The following HNRNPDL variants were observed in gnomAD, a reference collection of about 807,000 sequenced individuals.
The protein encoded by HNRNPDL is heterogeneous nuclear ribonucleoprotein D-like.
HNRNPDL carries 18 observed loss-of-function variants against 48.0 expected under a neutral mutation model. The observed-to-expected ratio is 0.38, with a 90% CI of 0.26 to 0.56. The LOEUF is 0.56. Ranked by LOEUF, HNRNPDL falls within the 20% of genes least tolerant of loss-of-function variation. HNRNPDL has a pLI of 0.77. For missense variants in HNRNPDL, 553 were observed against 540.7 expected (o/e 1.02, Z -0.23); for synonymous variants, 306 against 207.3 (o/e 1.48, Z -4.09).
chr4:82,427,247 T>G lies in HNRNPDL; in HGVS notation c.964A>C (p.Lys322Gln), dbSNP rs1721451321. Residue 322 changes from lysine (K) to glutamine (Q), a missense_variant, in exon 5 of 8, where the codon AAA (lysine) becomes CAA (glutamine). Coordinates refer to ENST00000295470, the MANE Select transcript of HNRNPDL (RefSeq NM_031372.4). ...EVYRQQQQQQ[K>Q]GGRGAAAGGR... The stretch of plus-strand genomic sequence containing the variant: ...CCAGCTGCAGCACCTCTTCCACCTT[T>G]TTGTTGTTGCTGTTGCTGCCTATAT... 1 of 1,614,072 alleles carries G rather than the reference T, an allele frequency of 6.2e-7. No homozygotes were observed. The highest frequency in any genetic ancestry group is 8.5e-7 in the Non-Finnish European group (1 of 1,179,980).
chr4:82,425,654 C>T (rs1721380629), intron 7 of HNRNPDL: 1 of 180,992 alleles, frequency 5.5e-6, no homozygotes, highest in African/African-American at 2.4e-5. Flanking sequence ...ACACGGCCTG[C>T]AATGAAGTTC....
Position 82,428,459 on chromosome 4 carries a change from G to A in HNRNPDL, c.444-13C>T, listed in dbSNP as rs763768578. 5 of 1,567,970 alleles carry A rather than the reference G, an allele frequency of 3.2e-6. No homozygotes were observed. The highest frequency in any genetic ancestry group is 2.7e-5 in the African/African-American group (2 of 73,048). On this transcript the variant is annotated splice_polypyrimidine_tract_variant and intron_variant, in intron 1 of 7. Transcript: ENST00000295470. ...AATAAACATTTTACTAGAAATAAAA[G>A]TGTTTTTAAAAAAAATTAACAATAA... is the stretch of plus-strand genomic sequence containing the variant.
Position 82,427,309 on chromosome 4 carries a change from A to C in HNRNPDL, c.907-5T>G, listed in dbSNP as rs771764838. ...TTGTGCAACTTTGATTTCACACTAT[A>C]AACAAAAAACATGAAAGTATAATTT... On this transcript the variant is annotated splice_region_variant and splice_polypyrimidine_tract_variant and intron_variant, in intron 4 of 7. Transcript: ENST00000295470. The C allele has an allele frequency of 1.3e-6, 2 of 1,568,308 alleles. No homozygotes were observed. Among genetic ancestry groups the C allele is most frequent in the Non-Finnish European group, 1.7e-6 (2 of 1,158,764 alleles).
chr4:82,426,541 T>C lies in HNRNPDL; in HGVS notation c.1114A>G (p.Ser372Gly). Residue 372 changes from serine to glycine, a missense_variant, in exon 6 of 8, where the codon AGT (serine) becomes GGT (glycine). By Grantham distance (56) the Ser-to-Gly change is moderately conservative. This residue lies in a region of HNRNPDL where 174 missense variants were observed against 204.6 expected (regional missense o/e 0.85). Coordinates refer to ENST00000295470, the MANE Select transcript of HNRNPDL (RefSeq NM_031372.4). ...GTATAATCATATCCGCCATAGCCAC[T>C]ATAGTTTTGATCACCACCATAGGCA... Reference protein sequence around the residue: ...NSAYGGDQNYSGYGGYDYTGY... With the variant: ...NSAYGGDQNYGGYGGYDYTGY... 1.2e-6 allele frequency: 2 copies of C among 1,612,672 alleles called. No individual in the cohort carries two copies. The highest frequency in any genetic ancestry group is 1.3e-5 in the African/African-American group (1 of 75,020).
In HNRNPDL at chr4:82,429,533, C is replaced by T. The variant is rs914053364; in HGVS notation, c.158G>A (p.Gly53Glu). The change falls in exon 1 of 8, where the codon GGG (glycine) becomes GAG (glutamate). Residue 53 changes from glycine (G) to glutamate (E), a missense_variant. Gly to Glu is a moderately conservative substitution (Grantham distance 98). Around this residue, in one of 4 missense-constraint regions of HNRNPDL, gnomAD observed 327 missense variants for 203.2 expected, o/e 1.61. Transcript: ENST00000295470. ...GACGTGGCGCTGGGCCCGGCGCGCC[C>T]CCTGCCGGGCGGAGCTGGGAGCGAG... is the stretch of plus-strand genomic sequence containing the variant. ...PSLAPSSARQ[G>E]ARRAQRHVTA... 5.4e-6 allele frequency: 8 copies of T among 1,481,170 alleles called. No homozygotes were observed. The highest frequency in any genetic ancestry group is 1.3e-5 in the South Asian group (1 of 75,482). 91.8% of individuals were successfully genotyped at this position (1,481,170 alleles called of 1,614,324 possible).
intron 4 of HNRNPDL, 49 bp from the exon 5 acceptor site, chr4:82,427,353 T>A (rs1553900878): frequency 5.2e-6 from 8 of 1,530,824 alleles, no homozygotes; most frequent in Non-Finnish European, 7.1e-6. Flanking sequence ...GTTCTAAAAT[T>A]AAATCATTTT....
chr4:82,428,474 A>G (rs970691505), intron 1 of HNRNPDL, 28 bp from the exon 2 acceptor site: 1 of 1,529,294 alleles, frequency 6.5e-7, no homozygotes, highest in African/African-American at 1.4e-5. Flanking sequence ...TTTAAAAAAA[A>G]TTAACAATAA....
Position 82,427,287 on chromosome 4 carries a change from T to C in HNRNPDL, c.924A>G (p.Ala308=), listed in dbSNP as rs1721453572. Residue 308 remains alanine, a synonymous_variant, in exon 5 of 8, where the codon GCA becomes GCG. Coordinates refer to ENST00000295470, the MANE Select transcript of HNRNPDL (RefSeq NM_031372.4). ...GCTGCCTATATACCTCTTTGGGTTG[T>C]GCAACTTTGATTTCACACTATAAAC... ...IGSGKCEIKV[A]QPKEVYRQQQ... The C allele has an allele frequency of 1.9e-6, 3 of 1,599,422 alleles. No individual in the cohort carries two copies. The highest frequency in any genetic ancestry group is 2.6e-6 in the Non-Finnish European group (3 of 1,175,852).
rs1317333845 is a variant in HNRNPDL at position 82,423,593 on chromosome 4, T to C, written c.*1313A>G. The C allele has an allele frequency of 2.6e-5, 4 of 151,152 alleles. No individual in the cohort carries two copies. Among genetic ancestry groups the C allele is most frequent in the Admixed American group, 6.6e-5 (1 of 15,158 alleles). 9.4% of individuals were successfully genotyped at this position (151,152 alleles called of 1,614,324 possible). On this transcript the variant is annotated 3_prime_UTR_variant, in exon 8 of 8. Coordinates refer to ENST00000295470, the MANE Select transcript of HNRNPDL (RefSeq NM_031372.4). ...CAGTTTTGTGAGATCACCCGTTGTG[T>C]GAGATCAACTACTCTGCCTGTGAAC...
rs747302396 is a variant in HNRNPDL, at chr4:82,429,373, C to T, written c.318G>A (p.Arg106=). The T allele has an allele frequency of 5.6e-6, 9 of 1,613,488 alleles. No homozygotes were observed. Among genetic ancestry groups the T allele is most frequent in the South Asian group, 4.4e-5 (4 of 91,074 alleles). Residue 106 remains arginine, a synonymous_variant, in exon 1 of 8, where the codon CGG becomes CGA. Transcript: ENST00000295470. ...QRSAAAAAAT[R]TARQHPPADS... Reference sequence around the variant, plus strand: ...CGGCAGGGGGGTGCTGGCGCGCAGTCCGGGTCGCGGCAGCAGCGGCGGCGG... The same window carrying T: ...CGGCAGGGGGGTGCTGGCGCGCAGTTCGGGTCGCGGCAGCAGCGGCGGCGG...
At chr4:82,426,739 G>A (rs1258350385) in intron 5 of HNRNPDL, 106 bp from the exon 6 acceptor site, 6 of 900,232 alleles carry the variant, frequency 6.7e-6, no homozygotes, top group East Asian at 4.9e-5. Context: ...AGGGCAGAAT[G>A]GACATATATA....
At chr4:82,429,144 G>C (rs1001292739) in intron 1 of HNRNPDL, 104 bp downstream of exon 1, 2 of 1,062,870 alleles carry the variant, frequency 1.9e-6, no homozygotes, top group Non-Finnish European at 2.9e-6. Context: ...GGCACGCGGG[G>C]AATCGACTCT....
At position 82,427,538 on chromosome 4, in the gene HNRNPDL, A is replaced by G; in HGVS notation, c.801T>C (p.Asp267=). The change falls in exon 4 of 8, where the codon GAT becomes GAC. Residue 267 remains aspartate (D), a synonymous_variant. Coordinates refer to ENST00000295470, the MANE Select transcript of HNRNPDL (RefSeq NM_031372.4). ...GEIENIELPM[D]TKTNERRGFC... ...ATCCTCTTCTTTCATTTGTTTTTGT[A>G]TCCATGGGAAGTTCAATATTTTCAA... 1 of 1,608,530 alleles carries G rather than the reference A, an allele frequency of 6.2e-7. No individual in the cohort carries two copies. The highest frequency in any genetic ancestry group is 8.5e-7 in the Non-Finnish European group (1 of 1,178,258).
intron 1 of HNRNPDL, among the ~76,000 whole-genome samples, chr4:82,428,863 G>A (rs917067998): frequency 5.3e-5 from 8 of 152,332 alleles, no homozygotes; most frequent in African/African-American, 1.7e-4. Context: ...GCCTGCTTGT[G>A]CCCCAACTCA....
rs138358528 is a variant in HNRNPDL, at chr4:82,424,587, A to AT, written c.*318dup. 1 of 152,556 alleles carries AT rather than the reference A, an allele frequency of 6.6e-6. No homozygotes were observed. Among genetic ancestry groups the AT allele is most frequent in the Non-Finnish European group, 1.5e-5 (1 of 68,024 alleles). The allele number at this position is 152,556 out of a possible 1,614,324, so 9.5% of individuals were successfully genotyped here. On this transcript the variant is annotated 3_prime_UTR_variant, in exon 8 of 8. Coordinates refer to ENST00000295470, the MANE Select transcript of HNRNPDL (RefSeq NM_031372.4). The stretch of plus-strand genomic sequence containing the variant: ...TTAATTATTGCTTATTTTAAATTAC[A>AT]TTTTTTACAGAGCTATGTAGTACCT...
chr4:82,426,224 A>C, intron 6 of HNRNPDL, 95 bp from the exon 7 acceptor site: 1 of 1,161,244 alleles, frequency 8.6e-7, no homozygotes, highest in Non-Finnish European at 1.3e-6. Flanking sequence ...TTGCATGCTA[A>C]ATAAAAAGTA....
chr4:82,427,104 G>T lies in HNRNPDL; in HGVS notation c.1021+86C>A, dbSNP rs1721443610. 3.3e-6 allele frequency: 3 copies of T among 905,752 alleles called. No individual in the cohort carries two copies. The Admixed American group carries it at 5.9e-5, about 18-fold the overall frequency. 56.1% of individuals were successfully genotyped at this position (905,752 alleles called of 1,614,324 possible). On this transcript the variant is annotated intron_variant, in intron 5 of 7. Transcript: ENST00000295470. ...CCGCTGGAATGGTTTTAAGTTTAAA[G>T]TTTTGCTTTGGTACAGGACTACTCA...
chr4:82,426,400 G>A (rs570774873), intron 6 of HNRNPDL, 63 bp downstream of exon 6: 96 of 1,413,704 alleles, frequency 6.8e-5, no homozygotes, highest in Non-Finnish European at 9.5e-5. Context: ...TTCAGAACAG[G>A]ATTGTATGTT....
At chr4:82,428,214 T>C in intron 2 of HNRNPDL, 35 bp from the exon 3 acceptor site, 4 of 1,609,034 alleles carry the variant, frequency 2.5e-6, no homozygotes, top group Non-Finnish European at 2.6e-6. Flanking sequence ...GACAGCACCA[T>C]ATAACCCCCA....
Sources: gnomAD v4.1 joint callset for allele counts (sites outside exome capture counted in the v4.1 genomes callset) on GRCh38, gnomAD v4.1.1 for gene constraint, gnomAD v4.1.1 regional missense constraint, MANE v1.5 for transcripts, NCBI Gene and HGNC (gene_info 2026-07-23, HGNC 2026-07-21) for gene names.